The following PPP2R2B variants were observed in gnomAD, a reference collection of about 807,000 sequenced individuals.
PPP2R2B encodes protein phosphatase 2 regulatory subunit Bbeta.
A neutral mutation model predicts 46.0 loss-of-function variants in PPP2R2B; 5 were observed. The observed-to-expected ratio is 0.11, with a 90% CI of 0.06 to 0.23. PPP2R2B has a LOEUF of 0.23. Ranked by LOEUF, PPP2R2B falls within the 10% of genes least tolerant of loss-of-function variation. The pLI, the probability that PPP2R2B is intolerant of heterozygous loss-of-function variation, is 1.00. For missense variants in PPP2R2B, 367 were observed against 575.0 expected (o/e 0.64, Z 3.70); for synonymous variants, 215 against 206.7 (o/e 1.04, Z -0.34).
At chr5:146,626,017 C>T (rs550125481) in intron 7 of PPP2R2B, among the ~76,000 whole-genome samples, 1 of 152,172 alleles carries the variant, frequency 6.6e-6, no homozygotes, top group East Asian at 1.9e-4. Context: ...AACATTCCCC[C>T]CTAGAGCCTC....
intron 1 of PPP2R2B, among the ~76,000 whole-genome samples, chr5:146,971,582 C>T (rs1752663170): frequency 6.6e-6 from 1 of 152,136 alleles, no homozygotes; most frequent in African/African-American, 2.4e-5. Context: ...TTTGCACATA[C>T]AGCAGTATAC....
rs1024518254 is a variant in PPP2R2B, at chr5:146,587,681, G to A, written c.*2266C>T. 2 of 152,102 alleles carry A rather than the reference G, an allele frequency of 1.3e-5. No homozygotes were observed. The highest frequency in any genetic ancestry group is 4.8e-5 in the African/African-American group (2 of 41,424). The allele number at this position is 152,102 out of a possible 1,614,324, so 9.4% of individuals were successfully genotyped here. A position where few individuals can be genotyped will look rare whatever the true frequency, so the allele number is the denominator to read the frequency against. On this transcript the variant is annotated 3_prime_UTR_variant, in exon 10 of 10. Transcript: ENST00000394411. Reference sequence around the variant, plus strand: ...AAAGTTTGATACACATGCTCCTGGTGGTTCACAAAATGATTTCAGGTGGTA... The same window carrying A: ...AAAGTTTGATACACATGCTCCTGGTAGTTCACAAAATGATTTCAGGTGGTA...
chr5:146,676,220 T>G (rs1777701412), intron 5 of PPP2R2B, among the ~76,000 whole-genome samples: 1 of 152,172 alleles, frequency 6.6e-6, no homozygotes, highest in African/African-American at 2.4e-5. Context: ...CTGTCTTCAG[T>G]GCAGAACATT....
chr5:146,965,114 G>T (rs1295843214), intron 1 of PPP2R2B, among the ~76,000 whole-genome samples: 3 of 152,022 alleles, frequency 2.0e-5, no homozygotes, highest in African/African-American at 4.8e-5. Flanking sequence ...GCCCAGAGAG[G>T]AATAACTTAC....
chr5:146,729,851 G>A (rs891456652), intron 2 of PPP2R2B, among the ~76,000 whole-genome samples: 1 of 152,212 alleles, frequency 6.6e-6, no homozygotes, highest in Non-Finnish European at 1.5e-5. Context: ...GCAGGGGCAG[G>A]GCCCTCATGG....
At chr5:146,922,751 A>G (rs1763650694) in intron 1 of PPP2R2B, among the ~76,000 whole-genome samples, 1 of 152,168 alleles carries the variant, frequency 6.6e-6, no homozygotes, top group Admixed American at 6.5e-5. Flanking sequence ...GTTTAAGCCC[A>G]TCAGCACATC....
At chr5:146,865,450 A>G (rs913981440) in intron 2 of PPP2R2B, among the ~76,000 whole-genome samples, 2 of 152,176 alleles carry the variant, frequency 1.3e-5, no homozygotes, top group African/African-American at 4.8e-5. Context: ...TTCATAATGA[A>G]CATGTACTTT....
intron 1 of PPP2R2B, among the ~76,000 whole-genome samples, chr5:147,009,850 T>TATACACACACAC (rs1425877968): frequency 6.9e-6 from 1 of 145,294 alleles, no homozygotes; most frequent in Non-Finnish European, 1.5e-5. Context: ...TATTTATATA[T>TATACACACACAC]ATACACACAC....
chr5:146,627,146 G>A (rs1435402520), intron 7 of PPP2R2B, among the ~76,000 whole-genome samples: 2 of 152,164 alleles, frequency 1.3e-5, no homozygotes, highest in South Asian at 2.1e-4. Context: ...TCCAGAGTGG[G>A]AAGTGTGTGT....
chr5:146,808,716 C>T (rs1757342897), intron 2 of PPP2R2B, among the ~76,000 whole-genome samples: 1 of 152,160 alleles, frequency 6.6e-6, no homozygotes, highest in Non-Finnish European at 1.5e-5. Context: ...AAAGTCCAAT[C>T]AGGCAAGTTT....
intron 2 of PPP2R2B, among the ~76,000 whole-genome samples, chr5:146,825,779 CA>C (rs765397225): frequency 1.3e-5 from 2 of 152,174 alleles, no homozygotes; most frequent in Admixed American, 6.5e-5. Context: ...AAGTATTTTG[CA>C]AACTGTGACA....
chr5:147,044,727 T>C (rs1756473621), intron 1 of PPP2R2B, among the ~76,000 whole-genome samples: 1 of 152,206 alleles, frequency 6.6e-6, no homozygotes, highest in Admixed American at 6.6e-5. Context: ...CTTGTAAGAC[T>C]GACTGTTGGT....
intron 2 of PPP2R2B, among the ~76,000 whole-genome samples, chr5:146,860,515 G>A (rs978307061): frequency 1.3e-5 from 2 of 152,162 alleles, no homozygotes; most frequent in African/African-American, 4.8e-5. Context: ...CTGACAAAAT[G>A]TACCCATACT....
chr5:146,787,060 T>C (rs182989318), intron 2 of PPP2R2B, among the ~76,000 whole-genome samples: 58 of 152,354 alleles, frequency 3.8e-4, no homozygotes, highest in Non-Finnish European at 4.9e-4. Flanking sequence ...TGTGGATCTT[T>C]AGTAGCAGAT....
Position 146,968,787 on chromosome 5 carries a change from C to T in PPP2R2B, c.79+86878G>A, listed in dbSNP as rs1020413231. 2.0e-5 allele frequency among the ~76,000 whole-genome samples: 3 copies of T among 152,106 alleles called. No individual in the cohort carries two copies. In the South Asian group the frequency reaches 6.2e-4, roughly 32 times the overall value. On this transcript the variant is annotated intron_variant, in intron 1 of 8. Transcript: ENST00000336640. ...GACCATCGTGGCCAATTTCAAGCTACCAATATTTTGCCACTAAGCATGGAG... is the reference window on the plus strand; with the variant it reads ...GACCATCGTGGCCAATTTCAAGCTATCAATATTTTGCCACTAAGCATGGAG...
chr5:147,005,092 T>A (rs1175457740), intron 1 of PPP2R2B, among the ~76,000 whole-genome samples: 1 of 152,090 alleles, frequency 6.6e-6, no homozygotes, highest in East Asian at 1.9e-4. Context: ...TTCAAACATG[T>A]ATGTGTGAGG....
intron 1 of PPP2R2B, among the ~76,000 whole-genome samples, chr5:146,953,860 G>T (rs1012432252): frequency 4.4e-4 from 67 of 152,172 alleles, no homozygotes; most frequent in African/African-American, 1.6e-3. Context: ...ACACAAATGT[G>T]GATATTTTAA....
At chr5:146,924,120 G>A (rs570337377) in intron 1 of PPP2R2B, among the ~76,000 whole-genome samples, 6 of 152,218 alleles carry the variant, frequency 3.9e-5, no homozygotes, top group African/African-American at 9.6e-5. Flanking sequence ...TAACTAATGG[G>A]TACTAGGCTT....
In PPP2R2B at chr5:146,583,195, C is replaced by T. The variant is rs1192902713; in HGVS notation, c.*6752G>A. On this transcript the variant is annotated 3_prime_UTR_variant, in exon 10 of 10. Transcript: ENST00000394411. ...ATCTTTCGGATTTCACCTTGGGAAT[C>T]ACCTCCTCTGGGAAGCTTCTGGTCT... The T allele has an allele frequency of 1.3e-5, 2 of 152,368 alleles. No homozygotes were observed. Among genetic ancestry groups the T allele is most frequent in the Non-Finnish European group, 2.9e-5 (2 of 68,102 alleles). 9.4% of individuals were successfully genotyped at this position (152,368 alleles called of 1,614,324 possible). A position where few individuals can be genotyped will look rare whatever the true frequency, so the allele number is the denominator to read the frequency against.
Sources: allele counts gnomAD v4.1 joint callset (sites outside exome capture counted in the v4.1 genomes callset), GRCh38; gene constraint gnomAD v4.1.1; transcripts MANE v1.5; gene names NCBI Gene and HGNC (gene_info 2026-07-23, HGNC 2026-07-21).